TMEM132E: variants seen among roughly 807,000 people sequenced by gnomAD.
TMEM132E encodes the protein transmembrane protein 132E.
TMEM132E carries 49 observed loss-of-function variants against 78.5 expected under a neutral mutation model. The observed-to-expected ratio is 0.62, with a 90% CI of 0.50 to 0.79. The LOEUF (loss-of-function observed/expected upper bound fraction) is 0.79, where lower values mean the gene tolerates loss of function less well. Among genes scored for constraint, TMEM132E ranks in the 30% least tolerant of loss-of-function variants. The probability of loss-of-function intolerance (pLI) is 0.00; values close to 1 mark genes in which losing one functional copy is unlikely to be tolerated. For synonymous variants in TMEM132E, 715 were observed against 670.6 expected (o/e 1.07, Z -1.02); for missense variants, 1,403 against 1,470.9 (o/e 0.95, Z 0.75).
Position 34,626,212 on chromosome 17 carries a change from C to T in TMEM132E, c.153C>T (p.His51=). Residue 51 remains histidine (H), a synonymous_variant, in exon 2 of 9, where the codon CAC becomes CAT. Coordinates refer to ENST00000631683, the MANE Select transcript of TMEM132E (RefSeq NM_001304438.2). ...TGCCAGTCAGCTACCGCCTGTCGCA[C>T]ACGCGGCTGGCCTTCTTCCTGCGGG... ...PVLPVSYRLS[H]TRLAFFLREA... 2 of 1,578,394 alleles carry T rather than the reference C, an allele frequency of 1.3e-6. No homozygotes were observed. Among genetic ancestry groups the T allele is most frequent in the Non-Finnish European group, 1.7e-6 (2 of 1,162,604 alleles).
chr17:34,587,531 T>A (rs966443579), intron 1 of TMEM132E, among the ~76,000 whole-genome samples: 3 of 152,094 alleles, frequency 2.0e-5, no homozygotes, highest in Non-Finnish European at 2.9e-5. Flanking sequence ...TGATGACCAC[T>A]TTGCCCAGAG....
chr17:34,635,920 G>A (rs1907503880), intron 7 of TMEM132E, 87 bp from the exon 8 acceptor site: 1 of 1,272,002 alleles, frequency 7.9e-7, no homozygotes, highest in African/African-American at 1.6e-5. Flanking sequence ...TCTTCCAGCA[G>A]TGCTGGGATT....
chr17:34,586,281 T>TTGTG (rs60429243), intron 1 of TMEM132E, among the ~76,000 whole-genome samples: 3,615 of 150,590 alleles, frequency 0.024, 118 homozygotes, highest in African/African-American at 0.069. Flanking sequence ...AATGAACCAG[T>TTGTG]TGTGTGTGTG....
intron 1 of TMEM132E, among the ~76,000 whole-genome samples, chr17:34,618,395 ATTTTT>A (rs57529797): frequency 7.5e-6 from 1 of 133,690 alleles, no homozygotes; most frequent in Non-Finnish European, 1.6e-5. Flanking sequence ...ACGTCTGGTG[ATTTTT>A]TTTTTTTTTT....
At chr17:34,609,717 A>T (rs1380597376) in intron 1 of TMEM132E, among the ~76,000 whole-genome samples, 2 of 152,188 alleles carry the variant, frequency 1.3e-5, no homozygotes, top group South Asian at 2.1e-4. Context: ...CAAGTATAGG[A>T]TCTATTATTT....
intron 4 of TMEM132E, among the ~76,000 whole-genome samples, chr17:34,629,761 G>A (rs1907288025): frequency 6.6e-6 from 1 of 152,126 alleles, no homozygotes; most frequent in African/African-American, 2.4e-5. Flanking sequence ...CCTGGGGAAG[G>A]GTTGTTTCCC....
chr17:34,628,447 G>A (rs1429570192), intron 2 of TMEM132E, 116 bp from the exon 3 acceptor site: 3 of 1,237,806 alleles, frequency 2.4e-6, no homozygotes, highest in African/African-American at 3.2e-5. Flanking sequence ...AGGACTCGGG[G>A]TAACTTAGCT....
At chr17:34,606,201 GC>G (rs1906408676) in intron 1 of TMEM132E, among the ~76,000 whole-genome samples, 1 of 152,112 alleles carries the variant, frequency 6.6e-6, no homozygotes. Context: ...AAAAAAATTA[GC>G]CAGGCATGGT....
intron 1 of TMEM132E, among the ~76,000 whole-genome samples, chr17:34,618,384 C>T (rs1052392881): frequency 5.3e-5 from 8 of 150,840 alleles, no homozygotes; most frequent in African/African-American, 2.0e-4. Flanking sequence ...ACCACAGGTC[C>T]ACGTCTGGTG....
At position 34,629,021 on chromosome 17, in the gene TMEM132E, G is replaced by T. The variant is rs753423145; in HGVS notation, c.1155G>T (p.Gln385His). ...QSTPLPPREG[Q>H]GPLEILQLDF... ...TCCCCTACCCTGGCAGGGAGGGCCAGGGCCCCTTGGAGATCTTGCAGCTGG... is the reference window on the plus strand; with the variant it reads ...TCCCCTACCCTGGCAGGGAGGGCCATGGCCCCTTGGAGATCTTGCAGCTGG... The change falls in exon 4 of 9, where the codon CAG (glutamine) becomes CAT (histidine). Residue 385 changes from glutamine to histidine, a missense_variant. Physicochemically the swap from Gln to His is conservative, Grantham distance 24. This residue lies in a region of TMEM132E where 888 missense variants were observed against 952.8 expected (regional missense o/e 0.93). Coordinates refer to ENST00000631683, the MANE Select transcript of TMEM132E (RefSeq NM_001304438.2). 1 of 1,566,036 alleles carries T rather than the reference G, an allele frequency of 6.4e-7. No individual in the cohort carries two copies. Among genetic ancestry groups the T allele is most frequent in the Admixed American group, 1.8e-5 (1 of 57,088 alleles).
chr17:34,623,701 C>T (rs1264229144), intron 1 of TMEM132E, among the ~76,000 whole-genome samples: 1 of 152,224 alleles, frequency 6.6e-6, no homozygotes, highest in African/African-American at 2.4e-5. Context: ...TGGAAAGCAA[C>T]TTGCACAGTG....
At position 34,581,084 on chromosome 17, in the gene TMEM132E, CG is replaced by C; in HGVS notation, c.12del (p.Met5CysfsTer116). 1 of 1,552,890 alleles carries C rather than the reference CG, an allele frequency of 6.4e-7. No individual in the cohort carries two copies. Among genetic ancestry groups the C allele is most frequent in the Non-Finnish European group, 8.6e-7 (1 of 1,156,378 alleles). The part of the protein sequence containing the change: MA[P>X]GMSGRGGAAL... ...CCCGCCCCCGCCTCGGCCATGGCCCCGGGGATGTCGGGCCGCGGCGGCGCCG... is the reference window on the plus strand; with the variant it reads ...CCCGCCCCCGCCTCGGCCATGGCCCCGGGATGTCGGGCCGCGGCGGCGCCG... On this transcript the variant is annotated frameshift_variant, in exon 1 of 9. Coordinates refer to ENST00000631683, the MANE Select transcript of TMEM132E (RefSeq NM_001304438.2). LOFTEE classifies it high-confidence loss of function.
intron 1 of TMEM132E, among the ~76,000 whole-genome samples, chr17:34,625,289 G>T (rs527756169): frequency 5.9e-5 from 9 of 152,190 alleles, no homozygotes; most frequent in African/African-American, 1.9e-4. Context: ...GGAGGGAGGA[G>T]GCCCATGTTT....
chr17:34,630,241 T>C, intron 5 of TMEM132E, 90 bp downstream of exon 5: 5 of 1,413,700 alleles, frequency 3.5e-6, no homozygotes, highest in Non-Finnish European at 4.9e-6. Flanking sequence ...TGGCTGACTC[T>C]TACTCATCCT....
At chr17:34,601,145 C>T (rs1343148197) in intron 1 of TMEM132E, among the ~76,000 whole-genome samples, 1 of 152,226 alleles carries the variant, frequency 6.6e-6, no homozygotes, top group African/African-American at 2.4e-5. Context: ...ATTCTTGCCA[C>T]ATCCCCAACA....
rs1907102620 is a variant in TMEM132E at position 34,625,988 on chromosome 17, G to A, written c.68-139G>A. The stretch of plus-strand genomic sequence containing the variant: ...CCAGGGTTGGGGCCCACCGGAGGAT[G>A]GACAGCCAGGCTGAACCTGCCCAGC... On this transcript the variant is annotated intron_variant, in intron 1 of 8. Coordinates refer to ENST00000631683, the MANE Select transcript of TMEM132E (RefSeq NM_001304438.2). 8.9e-6 allele frequency: 7 copies of A among 785,424 alleles called. No individual in the cohort carries two copies. In the South Asian group the frequency reaches 1.3e-4, roughly 15 times the overall value. The allele number at this position is 785,424 out of a possible 1,614,324, so 48.7% of individuals were successfully genotyped here. A position where few individuals can be genotyped will look rare whatever the true frequency, so the allele number is the denominator to read the frequency against.
At chr17:34,599,077 G>A (rs1017530910) in intron 1 of TMEM132E, among the ~76,000 whole-genome samples, 1 of 152,222 alleles carries the variant, frequency 6.6e-6, no homozygotes. Flanking sequence ...GGGTCCCAAG[G>A]AGAAACAGAG....
chr17:34,606,802 A>G (rs1597682151), intron 1 of TMEM132E, among the ~76,000 whole-genome samples: 1 of 152,156 alleles, frequency 6.6e-6, no homozygotes, highest in Non-Finnish European at 1.5e-5. Flanking sequence ...CCCAGCTCCA[A>G]CCCTGTGTGA....
intron 1 of TMEM132E, among the ~76,000 whole-genome samples, chr17:34,585,724 G>C (rs1310271748): frequency 6.6e-6 from 1 of 152,158 alleles, no homozygotes; most frequent in South Asian, 2.1e-4. Flanking sequence ...GCCAGCCTCT[G>C]GTTGCAAGCA....
Sources: gnomAD v4.1 joint callset for allele counts (sites outside exome capture counted in the v4.1 genomes callset) on GRCh38, gnomAD v4.1.1 for gene constraint, gnomAD v4.1.1 regional missense constraint, MANE v1.5 for transcripts, NCBI Gene and HGNC (gene_info 2026-07-23, HGNC 2026-07-21) for gene names.